B4GALNT2: variants seen among roughly 807,000 people sequenced by gnomAD.
The protein encoded by B4GALNT2 is N-acetylneuraminylgalactosylglucosyl-glucoside beta-1,4-N- acetylgalactosaminyltransferase 2.
A neutral mutation model predicts 51.1 loss-of-function variants in B4GALNT2; 42 were observed. The observed-to-expected ratio is 0.82, with a 90% CI of 0.64 to 1.06. The LOEUF is 1.06. Among genes scored for constraint, B4GALNT2 ranks in the 50% least tolerant of loss-of-function variants. The pLI, the probability that B4GALNT2 is intolerant of heterozygous loss-of-function variation, is 0.00. For missense variants in B4GALNT2, 602 were observed against 633.6 expected, an observed-to-expected ratio of 0.95 and a Z score of 0.54; for synonymous variants, 253 against 251.7, an observed-to-expected ratio of 1.01 and a Z score of -0.05.
intron 3 of B4GALNT2, chr17:49,148,209 A>G (rs1357937298): frequency 5.1e-6 from 1 of 194,314 alleles, no homozygotes; most frequent in Admixed American, 6.1e-5. Flanking sequence ...CTGAGGCAGG[A>G]CAATCACTTG....
the B4GALNT2 span, among the ~76,000 whole-genome samples, chr17:49,125,288 T>C: frequency 6.6e-6 from 1 of 152,000 alleles, no homozygotes; most frequent in Non-Finnish European, 1.5e-5. Flanking sequence ...GCCTCCCGAG[T>C]AGCTGGGATT....
At chr17:49,138,838 C>G (rs1485301662) in intron 1 of B4GALNT2, among the ~76,000 whole-genome samples, 1 of 152,192 alleles carries the variant, frequency 6.6e-6, no homozygotes, top group African/African-American at 2.4e-5. Flanking sequence ...GATTGTGCCA[C>G]TGCACTCCAG....
upstream of B4GALNT2, among the ~76,000 whole-genome samples, chr17:49,131,555 T>C (rs2042539508): frequency 6.7e-6 from 1 of 150,146 alleles, no homozygotes; most frequent in South Asian, 2.1e-4. Context: ...TAGACTGGAG[T>C]GCAGTGCCAT....
chr17:49,164,360 C>T, intron 8 of B4GALNT2, 85 bp downstream of exon 8: 2 of 1,248,306 alleles, frequency 1.6e-6, no homozygotes, highest in East Asian at 4.7e-5. Flanking sequence ...GGGGCCGCTT[C>T]CTCAAGGGTC....
intron 4 of B4GALNT2, among the ~76,000 whole-genome samples, chr17:49,155,323 A>G (rs1598209366): frequency 1.6e-5 from 2 of 127,630 alleles, no homozygotes; most frequent in East Asian, 2.3e-4. Context: ...AAAAAAAAGG[A>G]CTGGTGCAGT....
intron 3 of B4GALNT2, among the ~76,000 whole-genome samples, chr17:49,151,096 C>T (rs1267861326): frequency 0.057 from 5 of 88 alleles, no homozygotes; most frequent in East Asian, 0.19. Flanking sequence ...AATCTTAGGC[C>T]GGGCGCGGTG....
chr17:49,132,642 G>C, upstream of B4GALNT2: 2 of 877,630 alleles, frequency 2.3e-6, no homozygotes, highest in Non-Finnish European at 3.1e-6. Flanking sequence ...GTGTGGGGGC[G>C]GTCAGGAGAG....
rs2042956288 is a variant in B4GALNT2 at position 49,171,326 on chromosome 17, T to G, written c.*1598T>G. The G allele has an allele frequency of 2.5e-6, 1 of 392,368 alleles. No homozygotes were observed. The highest frequency in any genetic ancestry group is 3.9e-5 in the Admixed American group (1 of 25,670). 24.3% of individuals were successfully genotyped at this position (392,368 alleles called of 1,614,324 possible). A position where few individuals can be genotyped will look rare whatever the true frequency, so the allele number is the denominator to read the frequency against. On this transcript the variant is annotated 3_prime_UTR_variant, in exon 11 of 11. Coordinates refer to ENST00000393354, the MANE Select transcript of B4GALNT2 (RefSeq NM_001159387.2). Reference sequence around the variant, plus strand: ...AGCTTCCAAGTGTCTTTATCCACTTTAATGGGTTAATATCTGCTAATCTGT... The same window carrying G: ...AGCTTCCAAGTGTCTTTATCCACTTGAATGGGTTAATATCTGCTAATCTGT...
In B4GALNT2 at chr17:49,173,082, C is replaced by A. The variant is rs140473149; in HGVS notation, c.*3354C>A. On this transcript the variant is annotated 3_prime_UTR_variant, in exon 11 of 11. Transcript: ENST00000393354. ...TGAAAGTGTCTAGCGTTAGATATTG[C>A]ATTAGCAACTAGGTGATCAGCCATT... 14,701 of 152,248 alleles carry A rather than the reference C, an allele frequency of 0.097. 867 individuals carry two copies. The highest frequency in any genetic ancestry group is 0.19 in the South Asian group (894 of 4,820). 9.4% of individuals were successfully genotyped at this position (152,248 alleles called of 1,614,324 possible).
chr17:49,163,376 G>A (rs2042881321), intron 7 of B4GALNT2, among the ~76,000 whole-genome samples: 1 of 152,094 alleles, frequency 6.6e-6, no homozygotes, highest in African/African-American at 2.4e-5. Flanking sequence ...CTCAAGATTT[G>A]TAGATATTTT....
In B4GALNT2 at chr17:49,169,521, A is replaced by G. The variant is rs2042941597; in HGVS notation, c.1316-2A>G. ...TTCCTTCTGCTCTCCCTCTCTTTGC[A>G]GAATTCTTCATTGATGGGCTAGGGA... is the stretch of plus-strand genomic sequence containing the variant. On this transcript the variant is annotated splice_acceptor_variant, in intron 10 of 10. Coordinates refer to ENST00000393354, the MANE Select transcript of B4GALNT2 (RefSeq NM_001159387.2). LOFTEE classifies it high-confidence loss of function. 6.2e-7 allele frequency: 1 copy of G among 1,610,572 alleles called. No individual in the cohort carries two copies. Among genetic ancestry groups the G allele is most frequent in the East Asian group, 2.2e-5 (1 of 44,884 alleles).
intron 8 of B4GALNT2, 122 bp from the exon 9 acceptor site, chr17:49,165,992 C>A (rs1182490780): frequency 1.7e-6 from 2 of 1,180,342 alleles, no homozygotes; most frequent in Non-Finnish European, 2.4e-6. Context: ...TTCGCTCGCA[C>A]CAATTCTAAT....
intron 2 of B4GALNT2, 41 bp downstream of exon 2, chr17:49,141,488 A>G: frequency 1.9e-6 from 3 of 1,585,014 alleles, no homozygotes; most frequent in Non-Finnish European, 2.6e-6. Flanking sequence ...TAATGCACAC[A>G]TCTTCCTTGC....
chr17:49,161,925 C>G (rs1216195947), intron 7 of B4GALNT2, among the ~76,000 whole-genome samples: 1 of 151,406 alleles, frequency 6.6e-6, no homozygotes, highest in African/African-American at 2.4e-5. Context: ...TGACACAAAA[C>G]TCAGAGACCA....
intron 3 of B4GALNT2, among the ~76,000 whole-genome samples, chr17:49,152,531 C>T (rs1456013065): frequency 6.6e-6 from 1 of 152,152 alleles, no homozygotes; most frequent in African/African-American, 2.4e-5. Context: ...ACAAAATTAG[C>T]CGGGCGTGGA....
intron 3 of B4GALNT2, among the ~76,000 whole-genome samples, chr17:49,145,038 A>G (rs1430882996): frequency 1.3e-5 from 2 of 152,132 alleles, no homozygotes; most frequent in East Asian, 1.9e-4. Flanking sequence ...TGCCCACCCA[A>G]TTAAGGGTGG....
rs1439343306 is a variant in B4GALNT2, at chr17:49,175,548, G to A, written c.*5820G>A. 1 of 152,150 alleles carries A rather than the reference G, an allele frequency of 6.6e-6. No homozygotes were observed. Among genetic ancestry groups the A allele is most frequent in the South Asian group, 2.1e-4 (1 of 4,824 alleles). 9.4% of individuals were successfully genotyped at this position (152,150 alleles called of 1,614,324 possible). A position where few individuals can be genotyped will look rare whatever the true frequency, so the allele number is the denominator to read the frequency against. On this transcript the variant is annotated 3_prime_UTR_variant, in exon 11 of 11. Coordinates refer to ENST00000393354, the MANE Select transcript of B4GALNT2 (RefSeq NM_001159387.2). Reference sequence around the variant, plus strand: ...CCACAGACCCCTATTGGAACTTTTTGTGGGGATTCCCCAAGCATAAGGCTC... The same window carrying A: ...CCACAGACCCCTATTGGAACTTTTTATGGGGATTCCCCAAGCATAAGGCTC...
At chr17:49,127,108 T>A in the B4GALNT2 span, among the ~76,000 whole-genome samples, 1 of 152,258 alleles carries the variant, frequency 6.6e-6, no homozygotes, top group East Asian at 1.9e-4. Context: ...TAAACATTCC[T>A]TTCTTTAAAC....
At chr17:49,141,990 G>C (rs775261715) in intron 2 of B4GALNT2, 45 bp from the exon 3 acceptor site, 14 of 1,611,022 alleles carry the variant, frequency 8.7e-6, no homozygotes, top group Non-Finnish European at 1.1e-5. Context: ...TCACCCACCA[G>C]CCTACCCACC....
Sources: allele counts gnomAD v4.1 joint callset (sites outside exome capture counted in the v4.1 genomes callset), GRCh38; gene constraint gnomAD v4.1.1; transcripts MANE v1.5; gene names NCBI Gene and HGNC (gene_info 2026-07-23, HGNC 2026-07-21).